Variants in CD226 observed in about 807,000 individuals in gnomAD.
CD226 encodes the protein CD226 antigen.
CD226 carries 24 observed loss-of-function variants against 34.9 expected under a neutral mutation model. That is an observed-to-expected ratio of 0.69 (90% CI 0.50 to 0.97). The LOEUF (loss-of-function observed/expected upper bound fraction) is 0.97. Ranked by LOEUF, CD226 falls within the 50% of genes least tolerant of loss-of-function variation. The pLI is 0.00. For synonymous variants in CD226, 148 were observed against 147.4 expected, an observed-to-expected ratio of 1.00 and a Z score of -0.03; for missense variants, 397 against 412.7, an observed-to-expected ratio of 0.96 and a Z score of 0.33.
intron 4 of CD226, among the ~76,000 whole-genome samples, chr18:69,869,861 T>C (rs1253002310): frequency 2.0e-5 from 3 of 149,966 alleles, no homozygotes; most frequent in Non-Finnish European, 3.0e-5. Context: ...GATGCAATGC[T>C]GCAATCTCAG....
chr18:69,886,474 G>A, intron 3 of CD226, among the ~76,000 whole-genome samples: 1 of 152,160 alleles, frequency 6.6e-6, no homozygotes, highest in East Asian at 1.9e-4. Flanking sequence ...GGAAGGCCGA[G>A]GTGGGTGGAT....
chr18:69,934,240 T>C (rs1270318374), intron 2 of CD226, among the ~76,000 whole-genome samples: 1 of 151,760 alleles, frequency 6.6e-6, no homozygotes, highest in Non-Finnish European at 1.5e-5. Flanking sequence ...TCGGGTTCTT[T>C]ATATATCATG....
At chr18:69,891,064 A>T (rs1984875074) in intron 3 of CD226, among the ~76,000 whole-genome samples, 1 of 151,702 alleles carries the variant, frequency 6.6e-6, no homozygotes, top group African/African-American at 2.4e-5. Context: ...ATGAACACAG[A>T]TGAAAAAATC....
At position 69,855,130 on chromosome 18, in the gene CD226, A is replaced by AT. The variant is rs398120634; in HGVS notation, c.*9183dup. On this transcript the variant is annotated 3_prime_UTR_variant, in exon 6 of 6. Coordinates refer to ENST00000582621, the MANE Select transcript of CD226 (RefSeq NM_001303618.2). Reference sequence around the variant, plus strand: ...GCTTGCAACAAAAAATTCAAAAAAAATGTCAAAGAACGTCAAAAGGCAAGA... The same window carrying AT: ...GCTTGCAACAAAAAATTCAAAAAAAATTGTCAAAGAACGTCAAAAGGCAAGA... 6.6e-6 allele frequency: 1 copy of AT among 152,052 alleles called. No homozygotes were observed. The highest frequency in any genetic ancestry group is 1.5e-5 in the Non-Finnish European group (1 of 67,986). The allele number at this position is 152,052 out of a possible 1,614,324, so 9.4% of individuals were successfully genotyped here. A position where few individuals can be genotyped will look rare whatever the true frequency, so the allele number is the denominator to read the frequency against.
At chr18:69,924,855 G>C (rs2055502538) in intron 2 of CD226, among the ~76,000 whole-genome samples, 1 of 152,026 alleles carries the variant, frequency 6.6e-6, no homozygotes, top group Admixed American at 6.6e-5. Flanking sequence ...AGAAAGAGAG[G>C]GAGAGAAACT....
chr18:69,911,967 T>A (rs2055331132), intron 2 of CD226, among the ~76,000 whole-genome samples: 1 of 152,212 alleles, frequency 6.6e-6, no homozygotes. Flanking sequence ...CTGAATACAG[T>A]AAATCTTCAT....
At chr18:69,945,452 G>A (rs1165826193) in intron 2 of CD226, among the ~76,000 whole-genome samples, 2 of 152,096 alleles carry the variant, frequency 1.3e-5, no homozygotes, top group Non-Finnish European at 2.9e-5. Flanking sequence ...CACAATCTCT[G>A]GTAGATAAAG....
intron 2 of CD226, among the ~76,000 whole-genome samples, chr18:69,929,412 T>C (rs772290296): frequency 6.6e-6 from 1 of 152,200 alleles, no homozygotes; most frequent in African/African-American, 2.4e-5. Context: ...ATATGCTCCA[T>C]AGTCTATCCT....
At position 69,861,771 on chromosome 18, in the gene CD226, C is replaced by T. The variant is rs1165341949; in HGVS notation, c.*2543G>A. Reference sequence around the variant, plus strand: ...ACTAGGGAGAGTCCCAAAACTATCACGAATTAAGAATGATGTTAAAAAGAT... The same window carrying T: ...ACTAGGGAGAGTCCCAAAACTATCATGAATTAAGAATGATGTTAAAAAGAT... On this transcript the variant is annotated 3_prime_UTR_variant, in exon 6 of 6. Coordinates refer to ENST00000582621, the MANE Select transcript of CD226 (RefSeq NM_001303618.2). The T allele has an allele frequency of 2.6e-5, 4 of 151,200 alleles. No individual in the cohort carries two copies. Among genetic ancestry groups the T allele is most frequent in the East Asian group, 1.9e-4 (1 of 5,162 alleles). 9.4% of individuals were successfully genotyped at this position (151,200 alleles called of 1,614,324 possible).
chr18:69,949,738 C>A (rs538907930), upstream of CD226, among the ~76,000 whole-genome samples: 7 of 151,976 alleles, frequency 4.6e-5, no homozygotes, highest in Admixed American at 4.6e-4. Flanking sequence ...TTCACACACA[C>A]AACATGCACC....
rs565374719 is a variant in CD226 at position 69,944,729 on chromosome 18, T to C, written c.382+2005A>G. On this transcript the variant is annotated intron_variant, in intron 2 of 5. Transcript: ENST00000582621. Reference sequence around the variant, plus strand: ...AGCTTTGCCAATCTTCTACTTCGCCTGCCTGACTGATTTATAGCAAACTAC... The same window carrying C: ...AGCTTTGCCAATCTTCTACTTCGCCCGCCTGACTGATTTATAGCAAACTAC... Among the ~76,000 whole-genome samples, 694 of 152,368 alleles carry C rather than the reference T, an allele frequency of 4.6e-3. 4 individuals are homozygous for C. The highest frequency in any genetic ancestry group is 7.6e-3 in the Non-Finnish European group (514 of 68,038).
rs1451231488 is a variant in CD226, at chr18:69,860,021, G to C, written c.*4293C>G. ...CGGGAGGCAGAGGTTGTGGTGAGCC[G>C]AGATTGTGCCATTGCACTCCAGCCC... On this transcript the variant is annotated 3_prime_UTR_variant, in exon 6 of 6. Transcript: ENST00000582621. The C allele has an allele frequency of 6.6e-6, 1 of 152,202 alleles. No homozygotes were observed. Among genetic ancestry groups the C allele is most frequent in the African/African-American group, 2.4e-5 (1 of 41,438 alleles). The allele number at this position is 152,202 out of a possible 1,614,324, so 9.4% of individuals were successfully genotyped here.
upstream of CD226, among the ~76,000 whole-genome samples, chr18:69,959,212 G>T (rs139667899): frequency 0.014 from 2,179 of 152,206 alleles, 21 homozygotes; most frequent in Non-Finnish European, 0.022. Context: ...AAATTAAATT[G>T]CCCTATCCCT....
In CD226 at chr18:69,865,180, G is replaced by T. The variant is rs112320970; in HGVS notation, c.886-741C>A. On this transcript the variant is annotated intron_variant, in intron 5 of 5. Transcript: ENST00000582621. ...AATTTTTGTATTTTTAGTAGAGATG[G>T]AGTTTCGCCATGTTGGCCAGGCTGG... Among the ~76,000 whole-genome samples the T allele has an allele frequency of 3.9e-3, 593 of 152,214 alleles. 7 individuals carry two copies. Among genetic ancestry groups the T allele is most frequent in the African/African-American group, 0.014 (568 of 41,530 alleles).
chr18:69,908,537 G>T (rs937554613), intron 2 of CD226, among the ~76,000 whole-genome samples: 4 of 152,178 alleles, frequency 2.6e-5, no homozygotes, highest in African/African-American at 9.7e-5. Context: ...GAAAATTTGA[G>T]ATATGGTTAT....
chr18:69,926,255 T>G (rs957459716), intron 2 of CD226, among the ~76,000 whole-genome samples: 1 of 152,014 alleles, frequency 6.6e-6, no homozygotes, highest in Non-Finnish European at 1.5e-5. Context: ...TGGGCTGCTT[T>G]TCCATCCTCT....
chr18:69,920,376 A>T (rs966892054), intron 2 of CD226, among the ~76,000 whole-genome samples: 2 of 152,232 alleles, frequency 1.3e-5, no homozygotes, highest in African/African-American at 4.8e-5. Flanking sequence ...TACTGCCTTG[A>T]AATGTCCATT....
upstream of CD226, among the ~76,000 whole-genome samples, chr18:69,960,809 T>G (rs902156216): frequency 5.3e-5 from 8 of 152,184 alleles, no homozygotes; most frequent in African/African-American, 1.9e-4. Context: ...TTTTACAATT[T>G]CATCAGCATG....
intron 2 of CD226, among the ~76,000 whole-genome samples, chr18:69,941,321 T>C (rs971466694): frequency 2.0e-5 from 3 of 152,112 alleles, no homozygotes; most frequent in African/African-American, 7.2e-5. Context: ...CCCCACAATC[T>C]GAATCTGATC....
Sources: gnomAD v4.1 joint callset for allele counts (sites outside exome capture counted in the v4.1 genomes callset) on GRCh38, gnomAD v4.1.1 for gene constraint, MANE v1.5 for transcripts, NCBI Gene and HGNC (gene_info 2026-07-23, HGNC 2026-07-21) for gene names.